Variants in MTUS2 observed in about 807,000 individuals in gnomAD.
MTUS2 encodes the protein microtubule-associated tumor suppressor candidate 2.
Under a neutral mutation model 114.1 loss-of-function variants are expected in MTUS2, and 40 were observed. The ratio of observed to expected loss-of-function variants is 0.35; its 90% CI spans 0.27 to 0.46. The LOEUF is 0.46. MTUS2 is among the 20% of genes least tolerant of loss of function. MTUS2 has a pLI of 1.00. For synonymous variants in MTUS2, 688 were observed against 672.0 expected (o/e 1.02, Z -0.37); for missense variants, 1,679 against 1,705.4 (o/e 0.98, Z 0.27).
At chr13:29,205,053 A>G (rs548939243) in intron 5 of MTUS2, among the ~76,000 whole-genome samples, 4 of 152,302 alleles carry the variant, frequency 2.6e-5, no homozygotes, top group Admixed American at 2.0e-4. Flanking sequence ...ATTGACCTTT[A>G]AAGGTAGAAG....
intron 1 of MTUS2, among the ~76,000 whole-genome samples, chr13:28,833,559 T>C (rs921208564): frequency 6.6e-6 from 1 of 152,102 alleles, no homozygotes; most frequent in African/African-American, 2.4e-5. Context: ...GAAGGAAACT[T>C]CCTCAACCTA....
At chr13:29,140,528 AG>A (rs1892175226) in intron 5 of MTUS2, among the ~76,000 whole-genome samples, 1 of 152,240 alleles carries the variant, frequency 6.6e-6, no homozygotes. Flanking sequence ...TTCCTGTTGT[AG>A]GAAACCAAGT....
intron 5 of MTUS2, among the ~76,000 whole-genome samples, chr13:29,162,874 G>A (rs1187399037): frequency 6.6e-6 from 1 of 152,182 alleles, no homozygotes; most frequent in African/African-American, 2.4e-5. Context: ...GCTGCTCATT[G>A]GTGCAGCTGA....
In MTUS2 at chr13:29,100,864, A is replaced by G; in HGVS notation, c.2538A>G (p.Ala846=). ...CTCCCGGATACTCACGTCTCCCGGCAGCCAAACTGGCGGCATTTGGCTTTG... is the reference window on the plus strand; with the variant it reads ...CTCCCGGATACTCACGTCTCCCGGCGGCCAAACTGGCGGCATTTGGCTTTG... ...LRPPGYSRLP[A]AKLAAFGFVR... Residue 846 remains alanine (A), a synonymous_variant, in exon 5 of 16, where the codon GCA becomes GCG. Coordinates refer to ENST00000612955, the MANE Select transcript of MTUS2 (RefSeq NM_001033602.4). The G allele has an allele frequency of 1.3e-6, 2 of 1,555,602 alleles. No homozygotes were observed. Among genetic ancestry groups the G allele is most frequent in the Non-Finnish European group, 1.7e-6 (2 of 1,149,178 alleles).
At chr13:28,982,443 C>CTGT (rs1295137260) in intron 2 of MTUS2, among the ~76,000 whole-genome samples, 3 of 152,220 alleles carry the variant, frequency 2.0e-5, no homozygotes, top group African/African-American at 7.2e-5. Flanking sequence ...GCTGCTGCTG[C>CTGT]TGTGGAAAAC....
intron 2 of MTUS2, among the ~76,000 whole-genome samples, chr13:28,971,917 T>C (rs1404383949): frequency 1.3e-5 from 2 of 152,228 alleles, no homozygotes; most frequent in African/African-American, 4.8e-5. Flanking sequence ...ACCGATGCAA[T>C]TCATGTGCTG....
At chr13:29,271,440 T>A (rs1897878459) in intron 5 of MTUS2, among the ~76,000 whole-genome samples, 1 of 152,202 alleles carries the variant, frequency 6.6e-6, no homozygotes, top group African/African-American at 2.4e-5. Context: ...CCATCCCTTC[T>A]CCTTCACAGT....
chr13:29,182,910 C>T (rs1233012581), intron 5 of MTUS2, among the ~76,000 whole-genome samples: 1 of 152,118 alleles, frequency 6.6e-6, no homozygotes, highest in African/African-American at 2.4e-5. Flanking sequence ...GAGGCCAGTG[C>T]AGCTGAAGGG....
At chr13:29,497,113 G>T (rs774878801) in intron 12 of MTUS2, 125 bp from the exon 13 acceptor site, 98 of 803,692 alleles carry the variant, frequency 1.2e-4, no homozygotes, top group Non-Finnish European at 1.9e-4. Context: ...TCTTTCTTCA[G>T]CCCCAAGGGA....
At chr13:29,316,704 C>T (rs1417457494) in intron 6 of MTUS2, among the ~76,000 whole-genome samples, 1 of 152,180 alleles carries the variant, frequency 6.6e-6, no homozygotes, top group African/African-American at 2.4e-5. Flanking sequence ...GGTTCAGGCA[C>T]ATACTGGTAA....
At chr13:28,842,514 T>G (rs896203035) in intron 2 of MTUS2, among the ~76,000 whole-genome samples, 2 of 152,222 alleles carry the variant, frequency 1.3e-5, no homozygotes, top group African/African-American at 2.4e-5. Context: ...ACTGGCTTAA[T>G]GAATATTAAA....
At chr13:29,450,857 C>T (rs1878632665) in intron 9 of MTUS2, among the ~76,000 whole-genome samples, 1 of 152,100 alleles carries the variant, frequency 6.6e-6, no homozygotes, top group Non-Finnish European at 1.5e-5. Context: ...TTGGCCATTA[C>T]ATAATGAAAA....
intron 2 of MTUS2, among the ~76,000 whole-genome samples, chr13:28,937,895 G>A (rs1209573944): frequency 1.3e-5 from 2 of 152,044 alleles, no homozygotes; most frequent in Admixed American, 6.5e-5. Flanking sequence ...CTAATAGGCC[G>A]GAGCTTTGGT....
At chr13:29,500,210 A>C (rs1593523505) in intron 14 of MTUS2, among the ~76,000 whole-genome samples, 1 of 152,338 alleles carries the variant, frequency 6.6e-6, no homozygotes, top group Middle Eastern at 3.4e-3. Flanking sequence ...CTACTCGATC[A>C]CTTCATCTCC....
Position 29,426,338 on chromosome 13 carries a change from C to T in MTUS2, c.3118-13645C>T, listed in dbSNP as rs971420639. Among the ~76,000 whole-genome samples, 7 of 152,174 alleles carry T rather than the reference C, an allele frequency of 4.6e-5. No individual in the cohort carries two copies. In the East Asian group the frequency reaches 5.8e-4, roughly 13 times the overall value. On this transcript the variant is annotated intron_variant, in intron 8 of 15. Coordinates refer to ENST00000612955, the MANE Select transcript of MTUS2 (RefSeq NM_001033602.4). The stretch of plus-strand genomic sequence containing the variant: ...TCAACTTAACGGTATTTTCAGTTTA[C>T]GAGGGATTTATCCTGCTTTAGCCCC...
At chr13:29,259,036 T>C (rs1188216076) in intron 5 of MTUS2, among the ~76,000 whole-genome samples, 2 of 152,266 alleles carry the variant, frequency 1.3e-5, no homozygotes, top group Non-Finnish European at 2.9e-5. Context: ...CTAAGTTCTA[T>C]GAATAATAGA....
At chr13:29,021,915 A>AG (rs1886308905) in intron 2 of MTUS2, among the ~76,000 whole-genome samples, 1 of 152,168 alleles carries the variant, frequency 6.6e-6, no homozygotes, top group East Asian at 1.9e-4. Flanking sequence ...AGGCTGCACC[A>AG]GGGGGTGCTA....
At chr13:28,945,239 G>T (rs1420863045) in intron 2 of MTUS2, among the ~76,000 whole-genome samples, 1 of 150,958 alleles carries the variant, frequency 6.6e-6, no homozygotes, top group Non-Finnish European at 1.5e-5. Context: ...GGACACTTAG[G>T]TTGATTCCAT....
At chr13:29,097,667 G>A (rs1175409732) in intron 4 of MTUS2, among the ~76,000 whole-genome samples, 3 of 152,162 alleles carry the variant, frequency 2.0e-5, no homozygotes, top group Non-Finnish European at 2.9e-5. Context: ...TGAGATCAGG[G>A]TTGCAGACCA....
Sources: allele counts gnomAD v4.1 joint callset (sites outside exome capture counted in the v4.1 genomes callset), GRCh38; gene constraint gnomAD v4.1.1; transcripts MANE v1.5; gene names NCBI Gene and HGNC (gene_info 2026-07-23, HGNC 2026-07-21).